Variants in GRXCR1 observed in about 807,000 individuals in gnomAD.
The protein encoded by GRXCR1 is glutaredoxin domain-containing cysteine-rich protein 1.
Under a neutral mutation model 27.3 loss-of-function variants are expected in GRXCR1, and 27 were observed. The observed-to-expected ratio is 0.99, with a 90% confidence interval of 0.73 to 1.37. GRXCR1 has a LOEUF of 1.37. Ranked by LOEUF, GRXCR1 falls within the 40% of genes most tolerant of loss-of-function variation. The pLI is 0.00. For missense variants in GRXCR1, 379 were observed against 354.4 expected, an observed-to-expected ratio of 1.07 and a Z score of -0.56; for synonymous variants, 122 against 131.1, an observed-to-expected ratio of 0.93 and a Z score of 0.47.
At chr4:42,917,810 CAATT>C (rs758814331) in intron 1 of GRXCR1, among the ~76,000 whole-genome samples, 17 of 151,932 alleles carry the variant, frequency 1.1e-4, no homozygotes, top group Admixed American at 2.6e-4. Flanking sequence ...AAAAATTAGA[CAATT>C]AAAGTGAGAG....
intron 1 of GRXCR1, among the ~76,000 whole-genome samples, chr4:42,917,810 C>A (rs982155000): frequency 1.3e-5 from 2 of 151,932 alleles, no homozygotes; most frequent in Admixed American, 6.6e-5. Context: ...AAAAATTAGA[C>A]AATTAAAGTG....
intron 1 of GRXCR1, among the ~76,000 whole-genome samples, chr4:42,945,529 T>C (rs958309884): frequency 3.9e-5 from 6 of 152,164 alleles, no homozygotes; most frequent in African/African-American, 1.4e-4. Context: ...TCTCACAGCT[T>C]TGAAAATAGA....
In GRXCR1 at chr4:42,991,772, G is replaced by A. The variant is rs939771408; in HGVS notation, c.628-28582G>A. Among the ~76,000 whole-genome samples, 9 of 151,898 alleles carry A rather than the reference G, an allele frequency of 5.9e-5. No individual in the cohort carries two copies. In the South Asian group the frequency reaches 6.2e-4, roughly 11 times the overall value. ...TACTGTATGTATATCTGTGATTTAT[G>A]CAGTTAAAAAGTAAGTTTTTTTCAC... On this transcript the variant is annotated intron_variant, in intron 2 of 3. Coordinates refer to ENST00000399770, the MANE Select transcript of GRXCR1 (RefSeq NM_001080476.3).
At chr4:43,011,258 G>A (rs1328099424) in intron 2 of GRXCR1, among the ~76,000 whole-genome samples, 4 of 152,124 alleles carry the variant, frequency 2.6e-5, no homozygotes, top group Admixed American at 2.0e-4. Flanking sequence ...CTTTTCCCTG[G>A]CCTACCTGGA....
rs148628469 is a variant in GRXCR1 at position 42,940,053 on chromosome 4, G to A, written c.385-22839G>A. ...GGCCTCGGTGGTGGAGACGGCTCTGGGCACACTGAACAGTGATTATTCTAT... is the reference window on the plus strand; with the variant it reads ...GGCCTCGGTGGTGGAGACGGCTCTGAGCACACTGAACAGTGATTATTCTAT... On this transcript the variant is annotated intron_variant, in intron 1 of 3. Transcript: ENST00000399770. Among the ~76,000 whole-genome samples, 82 of 151,950 alleles carry A rather than the reference G, an allele frequency of 5.4e-4. 1 individual carries two copies. In the East Asian group the frequency reaches 9.0e-3, roughly 17 times the overall value.
chr4:42,956,985 A>C (rs1015050370), intron 1 of GRXCR1, among the ~76,000 whole-genome samples: 5 of 152,056 alleles, frequency 3.3e-5, no homozygotes, highest in South Asian at 2.1e-4. Flanking sequence ...TCAACCCTTC[A>C]TACCTATCTA....
At chr4:42,955,093 T>C (rs185743279) in intron 1 of GRXCR1, among the ~76,000 whole-genome samples, 23 of 152,202 alleles carry the variant, frequency 1.5e-4, no homozygotes, top group African/African-American at 4.8e-4. Context: ...GCCTGCTATT[T>C]AAAATCGCTG....
chr4:42,979,940 C>T (rs946958083), intron 2 of GRXCR1, among the ~76,000 whole-genome samples: 2 of 151,834 alleles, frequency 1.3e-5, no homozygotes, highest in African/African-American at 2.4e-5. Context: ...AGTTATCCAA[C>T]TTTTTGGTAT....
At chr4:42,913,770 G>A (rs977612809) in intron 1 of GRXCR1, among the ~76,000 whole-genome samples, 3 of 152,062 alleles carry the variant, frequency 2.0e-5, no homozygotes, top group Non-Finnish European at 4.4e-5. Context: ...AACCTAGGAG[G>A]GAAAAATGGT....
In GRXCR1 at chr4:42,993,587, C is replaced by T. The variant is rs186753779; in HGVS notation, c.628-26767C>T. Among the ~76,000 whole-genome samples, 844 of 152,136 alleles carry T rather than the reference C, an allele frequency of 5.5e-3. 34 individuals are homozygous for T. Among genetic ancestry groups the T allele is most frequent in the Admixed American group, 0.051 (778 of 15,264 alleles). ...GCTCAGAATACTTACATTGGCCTGC[C>T]GTTGGGCAAAATTATCTAATGCAAA... is the stretch of plus-strand genomic sequence containing the variant. On this transcript the variant is annotated intron_variant, in intron 2 of 3. Coordinates refer to ENST00000399770, the MANE Select transcript of GRXCR1 (RefSeq NM_001080476.3).
At chr4:42,987,261 A>AATATAT (rs1279529979) in intron 2 of GRXCR1, among the ~76,000 whole-genome samples, 12 of 97,262 alleles carry the variant, frequency 1.2e-4, no homozygotes, top group Non-Finnish European at 4.3e-5. Flanking sequence ...ATATATATAT[A>AATATAT]ATATATATAT....
intron 2 of GRXCR1, among the ~76,000 whole-genome samples, chr4:42,987,033 TTTA>T (rs1711749428): frequency 6.7e-6 from 1 of 148,676 alleles, no homozygotes; most frequent in Non-Finnish European, 1.5e-5. Flanking sequence ...TGTGTGTGTG[TTTA>T]GGGGGTAAGT....
chr4:43,004,703 C>T (rs1712499394), intron 2 of GRXCR1, among the ~76,000 whole-genome samples: 1 of 152,142 alleles, frequency 6.6e-6, no homozygotes, highest in Non-Finnish European at 1.5e-5. Context: ...GCCTATAGCC[C>T]TTTTGTTTTG....
In GRXCR1 at chr4:42,893,355, A is replaced by G. The variant is rs1377170806; in HGVS notation, c.89A>G (p.Lys30Arg). 6.2e-7 allele frequency: 1 copy of G among 1,613,844 alleles called. No homozygotes were observed. Among genetic ancestry groups the G allele is most frequent in the East Asian group, 2.2e-5 (1 of 44,844 alleles). Reference protein sequence around the residue: ...IASSHSGRVLKEVYEDGQPSG... With the variant: ...IASSHSGRVLREVYEDGQPSG... Reference sequence around the variant, plus strand: ...TCCTCTCACAGTGGGCGAGTTCTGAAGGAAGTGTATGAAGATGGGCAACCG... The same window carrying G: ...TCCTCTCACAGTGGGCGAGTTCTGAGGGAAGTGTATGAAGATGGGCAACCG... Residue 30 changes from lysine to arginine, a missense_variant, in exon 1 of 4, where the codon AAG (lysine) becomes AGG (arginine). Physicochemically the swap from Lys to Arg is conservative, Grantham distance 26 (BLOSUM62 2). Transcript: ENST00000399770.
At chr4:42,987,222 T>TATATTATATTATATA (rs369022273) in intron 2 of GRXCR1, among the ~76,000 whole-genome samples, 3 of 100,594 alleles carry the variant, frequency 3.0e-5, no homozygotes, top group Non-Finnish European at 5.8e-5. Flanking sequence ...TATATATATA[T>TATATTATATTATATA]TATATATTAT....
intron 2 of GRXCR1, among the ~76,000 whole-genome samples, chr4:42,986,286 A>G (rs1207150282): frequency 6.6e-6 from 1 of 152,246 alleles, no homozygotes; most frequent in Non-Finnish European, 1.5e-5. Flanking sequence ...CCATCTCTCC[A>G]GCAGTAAGAC....
chr4:42,911,949 T>C (rs957162790), intron 1 of GRXCR1, among the ~76,000 whole-genome samples: 4 of 151,968 alleles, frequency 2.6e-5, no homozygotes, highest in African/African-American at 9.7e-5. Flanking sequence ...CAGCAGAGGG[T>C]TTATGTGGGA....
chr4:42,928,008 A>C (rs1370404951), intron 1 of GRXCR1, among the ~76,000 whole-genome samples: 1 of 151,946 alleles, frequency 6.6e-6, no homozygotes, highest in East Asian at 1.9e-4. Flanking sequence ...CCTGTATAGA[A>C]CACTCTTCAG....
intron 1 of GRXCR1, among the ~76,000 whole-genome samples, chr4:42,920,338 CT>C (rs1468137779): frequency 1.3e-5 from 2 of 149,588 alleles, no homozygotes; most frequent in Non-Finnish European, 3.0e-5. Flanking sequence ...GCCAAAAAGC[CT>C]TTTATTTACA....
Sources: gnomAD v4.1 joint callset for allele counts (sites outside exome capture counted in the v4.1 genomes callset) on GRCh38, gnomAD v4.1.1 for gene constraint, MANE v1.5 for transcripts, NCBI Gene and HGNC (gene_info 2026-07-23, HGNC 2026-07-21) for gene names.